NBAS: variants seen among roughly 807,000 people sequenced by gnomAD.
NBAS encodes NAG/BC035112 fusion.
NBAS carries 219 observed loss-of-function variants against 302.5 expected under a neutral mutation model. The observed-to-expected ratio is 0.72, with a 90% confidence interval of 0.65 to 0.81. The LOEUF is 0.81. NBAS is among the 30% of genes least tolerant of loss of function. NBAS has a pLI of 0.00. For synonymous variants in NBAS, 1,118 were observed against 1,021.6 expected (o/e 1.09, Z -1.80); for missense variants, 2,932 against 2,841.6 (o/e 1.03, Z -0.72).
intron 5 of NBAS, 99 bp downstream of exon 5, chr2:15,553,327 C>T (rs2148711845): frequency 9.1e-7 from 1 of 1,093,728 alleles, no homozygotes; most frequent in Non-Finnish European, 1.4e-6. Flanking sequence ...ATAATAAAAT[C>T]CTTTTAAATA....
intron 21 of NBAS, among the ~76,000 whole-genome samples, chr2:15,439,070 C>T (rs984963003): frequency 6.6e-5 from 10 of 151,962 alleles, no homozygotes; most frequent in Non-Finnish European, 1.5e-4. Flanking sequence ...CCGAGGCAGG[C>T]GGACCACGAG....
At chr2:15,493,251 T>G (rs1558387431) in intron 11 of NBAS, among the ~76,000 whole-genome samples, 1 of 152,220 alleles carries the variant, frequency 6.6e-6, no homozygotes, top group Non-Finnish European at 1.5e-5. Context: ...TCTTTATAAA[T>G]TACTCAGTCT....
the NBAS span, among the ~76,000 whole-genome samples, chr2:14,888,460 T>TA: frequency 3.3e-5 from 5 of 152,008 alleles, no homozygotes; most frequent in African/African-American, 1.2e-4. Flanking sequence ...CCCCCCTTTT[T>TA]TTTTTATTGA....
intron 38 of NBAS, among the ~76,000 whole-genome samples, chr2:15,317,695 G>GA (rs1671579964): frequency 6.6e-6 from 1 of 151,954 alleles, no homozygotes; most frequent in East Asian, 1.9e-4. Context: ...CAAGGTTAGA[G>GA]AAAAAAAGAG....
the NBAS span, among the ~76,000 whole-genome samples, chr2:15,008,772 A>G: frequency 6.6e-6 from 1 of 152,342 alleles, no homozygotes; most frequent in East Asian, 1.9e-4. Context: ...AAGCACACAC[A>G]GCCAGATTGG....
chr2:14,993,027 T>C, the NBAS span, among the ~76,000 whole-genome samples: 1 of 152,186 alleles, frequency 6.6e-6, no homozygotes, highest in Non-Finnish European at 1.5e-5. Flanking sequence ...TGAGAAACTG[T>C]TCCTGATTTC....
chr2:14,970,179 G>C, the NBAS span, among the ~76,000 whole-genome samples: 25 of 152,284 alleles, frequency 1.6e-4, no homozygotes, highest in African/African-American at 6.0e-4. Context: ...AGATTTGGTA[G>C]TCTTGCAATT....
the NBAS span, among the ~76,000 whole-genome samples, chr2:14,871,192 T>C: frequency 7.1e-6 from 1 of 141,772 alleles, no homozygotes; most frequent in Admixed American, 6.9e-5. Flanking sequence ...TAATTGGAGA[T>C]TCTGAACAGA....
At chr2:15,270,629 T>TA (rs1323821561) in intron 44 of NBAS, among the ~76,000 whole-genome samples, 31 of 152,342 alleles carry the variant, frequency 2.0e-4, no homozygotes, top group African/African-American at 7.5e-4. Flanking sequence ...ATAAAGTACC[T>TA]ACTTTATACT....
chr2:15,173,141 T>C (rs187856466), intron 51 of NBAS, among the ~76,000 whole-genome samples: 11 of 152,362 alleles, frequency 7.2e-5, no homozygotes, highest in African/African-American at 2.6e-4. Context: ...TGTCAGAGAT[T>C]GTTTTTTGTG....
At chr2:15,197,983 A>C (rs1398225311) in intron 48 of NBAS, among the ~76,000 whole-genome samples, 1 of 152,240 alleles carries the variant, frequency 6.6e-6, no homozygotes. Context: ...CATGAGAAGT[A>C]GATTATGGAC....
chr2:14,840,539 G>C, the NBAS span, among the ~76,000 whole-genome samples: 1 of 151,932 alleles, frequency 6.6e-6, no homozygotes. Context: ...GAGAAAAGAA[G>C]CAAATAACAC....
intron 9 of NBAS, among the ~76,000 whole-genome samples, chr2:15,517,269 T>C (rs1330612586): frequency 6.6e-6 from 1 of 152,178 alleles, no homozygotes; most frequent in East Asian, 1.9e-4. Context: ...TAGTACTCGA[T>C]AGGTAGTTTT....
chr2:14,823,294 C>T, the NBAS span, among the ~76,000 whole-genome samples: 2 of 152,178 alleles, frequency 1.3e-5, no homozygotes, highest in Admixed American at 6.5e-5. Context: ...TCTTCATAAT[C>T]TCGTTTACAT....
the NBAS span, among the ~76,000 whole-genome samples, chr2:14,791,057 G>A: frequency 6.6e-6 from 1 of 152,154 alleles, no homozygotes; most frequent in Non-Finnish European, 1.5e-5. Flanking sequence ...GTTTCTCCAT[G>A]TTGGTCAGGC....
At chr2:15,020,102 A>G in the NBAS span, among the ~76,000 whole-genome samples, 1 of 152,092 alleles carries the variant, frequency 6.6e-6, no homozygotes, top group African/African-American at 2.4e-5. Context: ...ATTCTGTTTA[A>G]CTCCCAAGTC....
At chr2:15,500,911 G>A (rs1230129926) in intron 11 of NBAS, among the ~76,000 whole-genome samples, 1 of 150,256 alleles carries the variant, frequency 6.7e-6, no homozygotes, top group Non-Finnish European at 1.5e-5. Flanking sequence ...GTGACAGAGT[G>A]AGACTGTCTC....
At chr2:15,249,428 C>T (rs764449781) in intron 44 of NBAS, among the ~76,000 whole-genome samples, 9 of 151,994 alleles carry the variant, frequency 5.9e-5, no homozygotes, top group Non-Finnish European at 1.3e-4. Flanking sequence ...CCTCTCTCAC[C>T]ACTCCTATTC....
chr2:15,546,716 AG>A (rs1177875971), intron 6 of NBAS, among the ~76,000 whole-genome samples: 2 of 152,242 alleles, frequency 1.3e-5, no homozygotes, highest in Non-Finnish European at 2.9e-5. Flanking sequence ...TGACAGAGCC[AG>A]ACTCCGTCTG....
Sources: allele counts gnomAD v4.1 joint callset (sites outside exome capture counted in the v4.1 genomes callset), GRCh38; gene constraint gnomAD v4.1.1; transcripts MANE v1.5; gene names NCBI Gene and HGNC (gene_info 2026-07-23, HGNC 2026-07-21).